The following TLN2 variants were observed in gnomAD, a reference collection of about 807,000 sequenced individuals.
TLN2 encodes talin 2.
In TLN2, 118 loss-of-function variants were observed where a neutral mutation model predicts 294.7. The ratio of observed to expected loss-of-function variants is 0.40; its 90% CI spans 0.34 to 0.47. The LOEUF (loss-of-function observed/expected upper bound fraction) is 0.47, where lower values mean the gene tolerates loss of function less well. Among genes scored for constraint, TLN2 ranks in the 20% least tolerant of loss-of-function variants. The pLI is 0.84. For missense variants in TLN2, 3,083 were observed against 3,282.2 expected, an observed-to-expected ratio of 0.94 and a Z score of 1.48; for synonymous variants, 1,431 against 1,304.5, an observed-to-expected ratio of 1.10 and a Z score of -2.09.
intron 1 of TLN2, among the ~76,000 whole-genome samples, chr15:62,423,668 T>C (rs1268908488): frequency 6.6e-6 from 1 of 151,878 alleles, no homozygotes; most frequent in Non-Finnish European, 1.5e-5. Context: ...GCAATATCCG[T>C]CTCCTGGGTT....
At position 62,693,246 on chromosome 15, in the gene TLN2, C is replaced by T. The variant is rs567133470; in HGVS notation, c.1215+305C>T. Among the ~76,000 whole-genome samples the T allele has an allele frequency of 2.5e-4, 38 of 152,254 alleles. No homozygotes were observed. In the South Asian group the frequency reaches 2.9e-3, roughly 12 times the overall value. On this transcript the variant is annotated intron_variant, in intron 13 of 58. Coordinates refer to ENST00000636159, the MANE Select transcript of TLN2 (RefSeq NM_015059.3). The stretch of plus-strand genomic sequence containing the variant: ...ACTCGGGAGGTGGAGGCAGGAGAAT[C>T]GCTTGAACCTGGGAGGCAGAGGTTG...
intron 28 of TLN2, among the ~76,000 whole-genome samples, chr15:62,730,438 T>G (rs2060660960): frequency 6.6e-6 from 1 of 152,196 alleles, no homozygotes; most frequent in African/African-American, 2.4e-5. Context: ...ATAGTTGCCC[T>G]TTCCATCACC....
chr15:62,412,436 G>A (rs2033827799), intron 1 of TLN2, among the ~76,000 whole-genome samples: 1 of 152,148 alleles, frequency 6.6e-6, no homozygotes, highest in South Asian at 2.1e-4. Flanking sequence ...CTGATGGCAG[G>A]GTGCTAGCTG....
chr15:62,419,965 TG>T (rs2140269832), intron 1 of TLN2, among the ~76,000 whole-genome samples: 1 of 152,302 alleles, frequency 6.6e-6, no homozygotes, highest in African/African-American at 2.4e-5. Flanking sequence ...ATCTTATCCC[TG>T]TTAGGTTTAC....
intron 1 of TLN2, among the ~76,000 whole-genome samples, chr15:62,393,529 C>G (rs900250776): frequency 2.1e-4 from 32 of 152,110 alleles, no homozygotes; most frequent in African/African-American, 7.7e-4. Flanking sequence ...TCCTTCACCC[C>G]TCACTCCCAG....
At chr15:62,783,699 C>G in intron 44 of TLN2, 72 bp from the exon 45 acceptor site, 1 of 1,488,336 alleles carries the variant, frequency 6.7e-7, no homozygotes, top group Non-Finnish European at 9.0e-7. Context: ...GATATTAACA[C>G]ATGGTTCTCA....
intron 1 of TLN2, among the ~76,000 whole-genome samples, chr15:62,559,450 G>C (rs1387651554): frequency 2.6e-5 from 4 of 152,176 alleles, no homozygotes; most frequent in Non-Finnish European, 5.9e-5. Context: ...TTGGAGAACT[G>C]TCTCTTCTAA....
At chr15:62,628,790 A>T (rs12899803) in intron 3 of TLN2, among the ~76,000 whole-genome samples, 130,880 of 152,256 alleles carry the variant, frequency 0.86, 56,959 homozygotes, top group East Asian at 0.95. Context: ...CACTCTAGGA[A>T]TTCCCTGTCC....
At chr15:62,504,844 T>TGA (rs1470373197) in intron 1 of TLN2, among the ~76,000 whole-genome samples, 447 of 142,104 alleles carry the variant, frequency 3.1e-3, no homozygotes, top group African/African-American at 0.011. Context: ...TGTGTGTGTG[T>TGA]GTGAGAGAGA....
rs200757518 is a variant in TLN2, at chr15:62,692,902, C to T, written c.1176C>T (p.Ser392=). The change falls in exon 13 of 59, where the codon TCC becomes TCT. Residue 392 remains serine (S), a synonymous_variant. Transcript: ENST00000636159. ...SVQTTEGEQI[S]QLIAGYIDII... ...AAACCACCGAGGGAGAGCAGATATC[C>T]CAGCTGATTGCAGGCTACATTGACA... 924 of 1,613,062 alleles carry T rather than the reference C, an allele frequency of 5.7e-4. 1 individual carries two copies. Among genetic ancestry groups the T allele is most frequent in the Non-Finnish European group, 7.4e-4 (869 of 1,179,626 alleles).
intron 1 of TLN2, among the ~76,000 whole-genome samples, chr15:62,455,479 T>TG (rs1230218547): frequency 3.9e-5 from 6 of 152,092 alleles, no homozygotes; most frequent in Non-Finnish European, 7.4e-5. Flanking sequence ...CCGCAATGTA[T>TG]GGGGAGCAAT....
chr15:62,796,444 A>G (rs2065483649), intron 47 of TLN2, 151 bp downstream of exon 47: 1 of 1,000,980 alleles, frequency 1.0e-6, no homozygotes, highest in Non-Finnish European at 1.4e-6. Flanking sequence ...CCATGTAATC[A>G]GAATAAGCCC....
At chr15:62,596,535 C>G (rs1373044666) in intron 2 of TLN2, among the ~76,000 whole-genome samples, 2 of 151,898 alleles carry the variant, frequency 1.3e-5, no homozygotes, top group Non-Finnish European at 2.9e-5. Context: ...GTCAGGAGTT[C>G]GAGACCAGCC....
intron 54 of TLN2, chr15:62,829,273 G>GA (rs1466460378): frequency 1.3e-5 from 2 of 151,778 alleles, no homozygotes; most frequent in African/African-American, 4.8e-5. Flanking sequence ...GATACATAAA[G>GA]AAAAGGTTTA....
chr15:62,628,595 A>C (rs568587359), intron 3 of TLN2, among the ~76,000 whole-genome samples: 12 of 152,370 alleles, frequency 7.9e-5, no homozygotes, highest in African/African-American at 2.9e-4. Flanking sequence ...TTTGACCCTC[A>C]TAATTAAGAT....
chr15:62,428,884 A>G (rs2140284949), intron 1 of TLN2, among the ~76,000 whole-genome samples: 1 of 152,238 alleles, frequency 6.6e-6, no homozygotes, highest in South Asian at 2.1e-4. Context: ...TTAATTCTTG[A>G]TCCTGACTGA....
chr15:62,657,921 T>A, intron 9 of TLN2, 23 bp downstream of exon 9: 1 of 1,605,118 alleles, frequency 6.2e-7, no homozygotes, highest in African/African-American at 1.3e-5. Flanking sequence ...TTGTTTCTCT[T>A]TTTTCTCTTT....
intron 50 of TLN2, among the ~76,000 whole-genome samples, chr15:62,802,015 G>C (rs919421072): frequency 6.6e-6 from 1 of 151,928 alleles, no homozygotes; most frequent in Non-Finnish European, 1.5e-5. Flanking sequence ...ATTTTTTACT[G>C]TAGTTACCCA....
chr15:62,409,689 T>C (rs1266023000), intron 1 of TLN2, among the ~76,000 whole-genome samples: 2 of 152,182 alleles, frequency 1.3e-5, no homozygotes, highest in Non-Finnish European at 2.9e-5. Flanking sequence ...GGAATGACCA[T>C]GGTTGAAATA....
Sources: allele counts gnomAD v4.1 joint callset (sites outside exome capture counted in the v4.1 genomes callset), GRCh38; gene constraint gnomAD v4.1.1; transcripts MANE v1.5; gene names NCBI Gene and HGNC (gene_info 2026-07-23, HGNC 2026-07-21).